Variants in PHKA2 observed in about 807,000 individuals in gnomAD.
PHKA2 encodes phosphorylase b kinase regulatory subunit alpha, liver isoform.
PHKA2 carries 31 observed loss-of-function variants against 102.0 expected under a neutral mutation model. The ratio of observed to expected loss-of-function variants is 0.30; its 90% CI spans 0.23 to 0.41. PHKA2 has a LOEUF of 0.41. Among genes scored for constraint, PHKA2 ranks in the 10% least tolerant of loss-of-function variants. The pLI is 1.00. For synonymous variants in PHKA2, 455 were observed against 416.2 expected, an observed-to-expected ratio of 1.09 and a Z score of -1.13; for missense variants, 858 against 1,023.1, an observed-to-expected ratio of 0.84 and a Z score of 2.20.
chrX:18,956,335 C>A (rs1319628499), intron 1 of PHKA2, among the ~76,000 whole-genome samples: 2 of 111,289 alleles, frequency 1.8e-5, no homozygotes, highest in Non-Finnish European at 3.8e-5. Context: ...AAAACAACAA[C>A]AACGACATAA....
chrX:18,952,572 G>A, intron 2 of PHKA2, 31 bp from the exon 3 acceptor site: 2 of 1,195,502 alleles, frequency 1.7e-6, no homozygotes, highest in Non-Finnish European at 2.3e-6. Context: ...CAGCAACACG[G>A]CCCAGGGTCC....
At chrX:18,900,517 C>T (rs757554980) in intron 28 of PHKA2, among the ~76,000 whole-genome samples, 153 bp downstream of exon 28, 10 of 111,453 alleles carry the variant, frequency 9.0e-5, no homozygotes, top group Non-Finnish European at 1.7e-4. Flanking sequence ...GTCTCTCCTG[C>T]CCTCGAGTCC....
intron 12 of PHKA2, among the ~76,000 whole-genome samples, chrX:18,929,976 C>T (rs1162610983): frequency 3.6e-5 from 4 of 112,513 alleles, no homozygotes; most frequent in Non-Finnish European, 7.5e-5. Context: ...AAGGAAAGAG[C>T]GCTGCACAGA....
intron 19 of PHKA2, among the ~76,000 whole-genome samples, chrX:18,912,696 T>C (rs959777494): frequency 2.7e-5 from 3 of 110,080 alleles, no homozygotes; most frequent in Non-Finnish European, 3.8e-5. Flanking sequence ...AAGGATCACC[T>C]GAGGTCGGGA....
At chrX:18,925,006 C>T (rs1170508323) in intron 15 of PHKA2, among the ~76,000 whole-genome samples, 1 of 111,835 alleles carries the variant, frequency 8.9e-6, no homozygotes, top group Non-Finnish European at 1.9e-5. Context: ...GGCCTCTGGA[C>T]TAGTGCATGC....
chrX:18,955,882 T>C (rs1354267175), intron 1 of PHKA2, among the ~76,000 whole-genome samples: 1 of 112,462 alleles, frequency 8.9e-6, no homozygotes, highest in Admixed American at 9.4e-5. Context: ...ACAGGGGCAA[T>C]GGCATTCTAT....
chrX:18,968,744 G>A (rs745655728), intron 1 of PHKA2, among the ~76,000 whole-genome samples: 1 of 112,472 alleles, frequency 8.9e-6, no homozygotes, highest in South Asian at 3.6e-4. Flanking sequence ...CATCAGAAAA[G>A]TTTTTTAAGT....
intron 1 of PHKA2, among the ~76,000 whole-genome samples, chrX:18,967,371 A>T (rs1002253074): frequency 1.6e-4 from 18 of 111,363 alleles, no homozygotes; most frequent in African/African-American, 5.9e-4. Flanking sequence ...ACACTATGGG[A>T]AGGCTGCAAG....
In PHKA2 at chrX:18,910,065, T is replaced by C. The variant is rs140067508; in HGVS notation, c.2226+807A>G. On this transcript the variant is annotated intron_variant, in intron 20 of 32. Coordinates refer to ENST00000379942, the MANE Select transcript of PHKA2 (RefSeq NM_000292.3). ...GAGTCCTGGATAAAATAACAAATTGTGGGAATTAATGGAACAGGCTGAGAT... is the reference window on the plus strand; with the variant it reads ...GAGTCCTGGATAAAATAACAAATTGCGGGAATTAATGGAACAGGCTGAGAT... Among the ~76,000 whole-genome samples, 479 of 112,461 alleles carry C rather than the reference T, an allele frequency of 4.3e-3. 5 individuals carry two copies. The highest frequency in any genetic ancestry group is 0.015 in the African/African-American group (461 of 30,985).
In PHKA2 at chrX:18,951,775, G is replaced by C. The variant is rs1509069; in HGVS notation, c.286-503C>G. Among the ~76,000 whole-genome samples the C allele has an allele frequency of 7.8e-3, 870 of 111,139 alleles. 4 individuals carry two copies. Among genetic ancestry groups the C allele is most frequent in the Middle Eastern group, 0.014 (3 of 212 alleles). On this transcript the variant is annotated intron_variant, in intron 3 of 32. Transcript: ENST00000379942. Reference sequence around the variant, plus strand: ...GTGTGCAGTACATGCTCAATGAATTGTTTTATTTACCCCTCACTGAAAATA... The same window carrying C: ...GTGTGCAGTACATGCTCAATGAATTCTTTTATTTACCCCTCACTGAAAATA...
intron 1 of PHKA2, among the ~76,000 whole-genome samples, chrX:18,982,758 C>T (rs766671419): frequency 3.6e-5 from 4 of 111,825 alleles, no homozygotes; most frequent in African/African-American, 9.8e-5. Flanking sequence ...CGCTTGAACC[C>T]GAGAGGCAGA....
rs143983269 is a variant in PHKA2, at chrX:18,915,993, T to C, written c.2137+2688A>G. ...TTCCAGATTGGAAAGGCCCAGTGTG[T>C]ATCCAACACAATGGATGAAAACACA... On this transcript the variant is annotated intron_variant, in intron 19 of 32. Transcript: ENST00000379942. Among the ~76,000 whole-genome samples, 764 of 112,285 alleles carry C rather than the reference T, an allele frequency of 6.8e-3. 1 individual carries two copies. Among genetic ancestry groups the C allele is most frequent in the South Asian group, 0.016 (43 of 2,688 alleles).
Position 18,926,454 on chromosome X carries a change from A to T in PHKA2, c.1458T>A (p.Leu486=). 1.7e-6 allele frequency: 2 copies of T among 1,204,905 alleles called. No individual in the cohort carries two copies. The highest frequency in any genetic ancestry group is 1.1e-6 in the Non-Finnish European group (1 of 889,008). ...GRILSHIYAK[L]GRNKNMNLSG... ...CCCAGGTAATTTCCCCAAACCTACC[A>T]AGCTTGGCATATATGTGACTAAGAA... Residue 486 remains leucine (L), a splice_region_variant and synonymous_variant, in exon 14 of 33, where the codon CTT becomes CTA. Transcript: ENST00000379942.
chrX:18,927,192 C>T (rs1035753244), intron 13 of PHKA2, among the ~76,000 whole-genome samples: 1 of 112,067 alleles, frequency 8.9e-6, no homozygotes, highest in Admixed American at 9.3e-5. Context: ...CACCCCAGGG[C>T]TGGCCTGGGC....
chrX:18,944,789 C>A (rs769252139), intron 6 of PHKA2, among the ~76,000 whole-genome samples: 1 of 112,052 alleles, frequency 8.9e-6, no homozygotes, highest in African/African-American at 3.2e-5. Context: ...GGACATCACA[C>A]GTGCAGCTTC....
intron 32 of PHKA2, among the ~76,000 whole-genome samples, 185 bp from the exon 33 acceptor site, chrX:18,893,840 CCCTA>C (rs1404322249): frequency 8.9e-6 from 1 of 112,460 alleles, no homozygotes. Flanking sequence ...AGGGGGAATG[CCCTA>C]CCTCTCTGGG....
At position 18,984,031 on chromosome X, in the gene PHKA2, G is replaced by A; in HGVS notation, c.-99C>T. 1.5e-6 allele frequency: 1 copy of A among 672,352 alleles called. No homozygotes were observed. Among genetic ancestry groups the A allele is most frequent in the African/African-American group, 2.1e-5 (1 of 46,984 alleles). The allele number at this position is 672,352 out of a possible 1,213,427, so 55.4% of individuals were successfully genotyped here. The stretch of plus-strand genomic sequence containing the variant: ...CGGGTCTGGTTCCCGGACACTCACA[G>A]CCTTAGTCGGTTCTTGGGATGGGAC... On this transcript the variant is annotated 5_prime_UTR_variant, in exon 1 of 33. Transcript: ENST00000379942.
intron 20 of PHKA2, 26 bp downstream of exon 20, chrX:18,910,845 TA>T: frequency 5.1e-6 from 5 of 979,450 alleles, no homozygotes; most frequent in Non-Finnish European, 7.2e-6. Flanking sequence ...ACCATACTTT[TA>T]AAAAAAGCTG....
chrX:18,938,556 A>C, intron 10 of PHKA2, 71 bp downstream of exon 10: 1 of 1,042,315 alleles, frequency 9.6e-7, no homozygotes, highest in Non-Finnish European at 1.3e-6. Flanking sequence ...GCATAACCCT[A>C]TGTTCTAATA....
Sources: allele counts gnomAD v4.1 joint callset (sites outside exome capture counted in the v4.1 genomes callset), GRCh38; gene constraint gnomAD v4.1.1; transcripts MANE v1.5; gene names NCBI Gene and HGNC (gene_info 2026-07-23, HGNC 2026-07-21).